The following CNTN5 variants were observed in gnomAD, a reference collection of about 807,000 sequenced individuals.
The protein encoded by CNTN5 is contactin 5, also known as contactin-5.
CNTN5 carries 77 observed loss-of-function variants against 129.1 expected under a neutral mutation model. The ratio of observed to expected loss-of-function variants is 0.60; its 90% CI spans 0.50 to 0.72. CNTN5 has a LOEUF of 0.72. Ranked by LOEUF, CNTN5 falls within the 30% of genes least tolerant of loss-of-function variation. CNTN5 has a pLI of 0.00. For synonymous variants in CNTN5, 509 were observed against 465.6 expected (o/e 1.09, Z -1.20); for missense variants, 1,478 against 1,328.8 (o/e 1.11, Z -1.75).
chr11:100,079,458 T>C (rs1214846276), intron 13 of CNTN5, among the ~76,000 whole-genome samples: 1 of 152,148 alleles, frequency 6.6e-6, no homozygotes, highest in Non-Finnish European at 1.5e-5. Flanking sequence ...AAACCTGTCG[T>C]CATTTATTCC....
intron 18 of CNTN5, among the ~76,000 whole-genome samples, chr11:100,275,485 C>A (rs1401749309): frequency 6.6e-6 from 1 of 151,998 alleles, no homozygotes; most frequent in Non-Finnish European, 1.5e-5. Flanking sequence ...CAGAGGCTCT[C>A]TATAAATATT....
intron 6 of CNTN5, among the ~76,000 whole-genome samples, chr11:99,860,911 TATTG>T (rs1258323268): frequency 6.6e-6 from 1 of 151,940 alleles, no homozygotes; most frequent in Non-Finnish European, 1.5e-5. Flanking sequence ...ATTTTAATGA[TATTG>T]ATTCTTCTAT....
rs181404126 is a variant in CNTN5 at position 99,059,074 on chromosome 11, C to T, written c.-210+37804C>T. Among the ~76,000 whole-genome samples, 74 of 149,176 alleles carry T rather than the reference C, an allele frequency of 5.0e-4. 1 individual carries two copies. In the East Asian group the frequency reaches 8.1e-3, roughly 16 times the overall value. Reference sequence around the variant, plus strand: ...TTCCTTCCTTCTCTCCCCTTGCCTCCCTCCCTCCCCACCTCTCTCCCTCCT... The same window carrying T: ...TTCCTTCCTTCTCTCCCCTTGCCTCTCTCCCTCCCCACCTCTCTCCCTCCT... On this transcript the variant is annotated intron_variant, in intron 1 of 24. Coordinates refer to ENST00000524871, the MANE Select transcript of CNTN5 (RefSeq NM_014361.4).
At chr11:99,362,729 A>G (rs548251264) in intron 2 of CNTN5, among the ~76,000 whole-genome samples, 10 of 151,920 alleles carry the variant, frequency 6.6e-5, no homozygotes, top group Non-Finnish European at 1.3e-4. Context: ...CAACTTCATT[A>G]TCTTCGATGT....
At chr11:99,573,200 T>A (rs971877633) in intron 3 of CNTN5, among the ~76,000 whole-genome samples, 1 of 151,980 alleles carries the variant, frequency 6.6e-6, no homozygotes, top group African/African-American at 2.4e-5. Context: ...AAAATGGACC[T>A]GATTACATAA....
chr11:99,997,832 G>C (rs1939559134), intron 8 of CNTN5, among the ~76,000 whole-genome samples: 1 of 152,086 alleles, frequency 6.6e-6, no homozygotes, highest in Non-Finnish European at 1.5e-5. Context: ...TCATCCCTGG[G>C]ATGCAAGGCT....
intron 3 of CNTN5, among the ~76,000 whole-genome samples, chr11:99,764,380 G>C (rs1042675300): frequency 8.6e-5 from 13 of 151,462 alleles, no homozygotes; most frequent in Non-Finnish European, 1.5e-5. Flanking sequence ...AAAAAATAAA[G>C]AAGAAACACT....
intron 1 of CNTN5, among the ~76,000 whole-genome samples, chr11:99,031,095 C>A (rs909167092): frequency 2.0e-5 from 3 of 151,902 alleles, no homozygotes; most frequent in Non-Finnish European, 2.9e-5. Context: ...CCACGCCTGG[C>A]CTAATGCTAA....
intron 20 of CNTN5, among the ~76,000 whole-genome samples, chr11:100,307,722 G>T (rs905694530): frequency 2.0e-5 from 3 of 151,522 alleles, no homozygotes; most frequent in South Asian, 2.1e-4. Context: ...ACAACAAAAA[G>T]TATCTAATGA....
chr11:99,042,596 C>G (rs1022873547), intron 1 of CNTN5, among the ~76,000 whole-genome samples: 1 of 151,818 alleles, frequency 6.6e-6, no homozygotes, highest in Non-Finnish European at 1.5e-5. Flanking sequence ...AGGATGGTCT[C>G]GACCTTCTGA....
intron 15 of CNTN5, among the ~76,000 whole-genome samples, chr11:100,205,939 C>T: frequency 6.6e-6 from 1 of 152,048 alleles, no homozygotes; most frequent in East Asian, 1.9e-4. Context: ...ATAAGTGGAG[C>T]ATTCACACAC....
intron 4 of CNTN5, among the ~76,000 whole-genome samples, chr11:99,822,339 GT>G (rs2135568527): frequency 6.6e-6 from 1 of 152,288 alleles, no homozygotes; most frequent in Admixed American, 6.5e-5. Flanking sequence ...AAGAGTAAAG[GT>G]TGGAAACAGA....
chr11:99,422,767 G>A (rs1034105454), intron 2 of CNTN5, among the ~76,000 whole-genome samples: 2 of 151,860 alleles, frequency 1.3e-5, no homozygotes, highest in Non-Finnish European at 2.9e-5. Flanking sequence ...CAAAACAGTA[G>A]TGTAAAATGT....
rs142962643 is a variant in CNTN5 at position 99,887,925 on chromosome 11, C to T, written c.578-28129C>T. ...GTCCACTCACTCAAATGTTAATCTC[C>T]TTTGGCAACACCCTCACAGACACAC... On this transcript the variant is annotated intron_variant, in intron 6 of 24. Coordinates refer to ENST00000524871, the MANE Select transcript of CNTN5 (RefSeq NM_014361.4). 2.7e-3 allele frequency among the ~76,000 whole-genome samples: 413 copies of T among 152,306 alleles called. 2 individuals carry two copies. The highest frequency in any genetic ancestry group is 9.5e-3 in the African/African-American group (394 of 41,566).
At chr11:99,631,643 AC>A (rs1274198139) in intron 3 of CNTN5, among the ~76,000 whole-genome samples, 2 of 145,738 alleles carry the variant, frequency 1.4e-5, no homozygotes. Flanking sequence ...CATTTCAAAT[AC>A]TTTTTTTTTT....
At chr11:99,022,203 T>C (rs1432085482) in intron 1 of CNTN5, among the ~76,000 whole-genome samples, 1 of 152,174 alleles carries the variant, frequency 6.6e-6, no homozygotes, top group Non-Finnish European at 1.5e-5. Context: ...CTACTTTGAT[T>C]CTCAATTACG....
At chr11:100,307,264 A>C (rs1238567576) in intron 20 of CNTN5, among the ~76,000 whole-genome samples, 1 of 151,666 alleles carries the variant, frequency 6.6e-6, no homozygotes, top group Non-Finnish European at 1.5e-5. Context: ...GATGAAGCTC[A>C]ACTCTAATCA....
intron 2 of CNTN5, among the ~76,000 whole-genome samples, chr11:99,364,997 G>C (rs973578945): frequency 9.2e-5 from 14 of 152,066 alleles, no homozygotes; most frequent in Admixed American, 9.2e-4. Flanking sequence ...TACTATAGAG[G>C]CTGTTGCATC....
In CNTN5 at chr11:100,047,491, A is replaced by T. The variant is rs117925366; in HGVS notation, c.981-13721A>T. 1.9e-3 allele frequency among the ~76,000 whole-genome samples: 289 copies of T among 152,356 alleles called. 6 individuals carry two copies. In the East Asian group the frequency reaches 0.051, roughly 27 times the overall value. On this transcript the variant is annotated intron_variant, in intron 9 of 24. Coordinates refer to ENST00000524871, the MANE Select transcript of CNTN5 (RefSeq NM_014361.4). ...TGATAATGTGAAGCCTCTAATAAAA[A>T]TTGGTAGAAATGTGAAGAAACTACA...
Sources: allele counts gnomAD v4.1 joint callset (sites outside exome capture counted in the v4.1 genomes callset), GRCh38; gene constraint gnomAD v4.1.1; transcripts MANE v1.5; gene names NCBI Gene and HGNC (gene_info 2026-07-23, HGNC 2026-07-21).